The following MMS22L variants were observed in gnomAD, a reference collection of about 807,000 sequenced individuals.
The protein encoded by MMS22L is protein MMS22-like.
In MMS22L, 74 loss-of-function variants were observed where a neutral mutation model predicts 159.1. The ratio of observed to expected loss-of-function variants is 0.47; its 90% CI spans 0.39 to 0.56. The LOEUF (loss-of-function observed/expected upper bound fraction) is 0.56. Ranked by LOEUF, MMS22L falls within the 20% of genes least tolerant of loss-of-function variation. MMS22L has a pLI of 0.00. For synonymous variants in MMS22L, 517 were observed against 506.9 expected (o/e 1.02, Z -0.27); for missense variants, 1,351 against 1,422.1 (o/e 0.95, Z 0.80).
At position 97,243,793 on chromosome 6, in the gene MMS22L, C is replaced by G. The variant is rs370916434; in HGVS notation, c.1182+2835G>C. Among the ~76,000 whole-genome samples, 8 of 152,178 alleles carry G rather than the reference C, an allele frequency of 5.3e-5. No individual in the cohort carries two copies. The East Asian group carries it at 5.8e-4, about 11-fold the overall frequency. ...TGATCCCTTGATGTGGTGTTCTCCC[C>G]CTTCCTGAGAGCCAGACTGCAGTGA... On this transcript the variant is annotated intron_variant, in intron 11 of 24. Transcript: ENST00000683635.
intron 14 of MMS22L, among the ~76,000 whole-genome samples, chr6:97,218,210 T>C (rs1364787098): frequency 6.6e-6 from 1 of 152,114 alleles, no homozygotes; most frequent in Non-Finnish European, 1.5e-5. Context: ...CCTCCTATCA[T>C]CCTCTAGAGG....
Position 97,144,526 on chromosome 6 carries a change from T to G in MMS22L, c.*2280A>C, listed in dbSNP as rs1006868019. On this transcript the variant is annotated 3_prime_UTR_variant, in exon 25 of 25. Transcript: ENST00000683635. ...GGGAAGATAAAAGAAAATACAATTG[T>G]CACAGAGAGGACAAAGAACATGAGA... The G allele has an allele frequency of 6.6e-6, 1 of 152,172 alleles. No individual in the cohort carries two copies. The highest frequency in any genetic ancestry group is 1.5e-5 in the Non-Finnish European group (1 of 68,078). The allele number at this position is 152,172 out of a possible 1,614,324, so 9.4% of individuals were successfully genotyped here. A position where few individuals can be genotyped will look rare whatever the true frequency, so the allele number is the denominator to read the frequency against.
At chr6:97,268,061 A>G in intron 7 of MMS22L, 59 bp from the exon 8 acceptor site, 2 of 1,193,044 alleles carry the variant, frequency 1.7e-6, no homozygotes, top group Non-Finnish European at 2.2e-6. Flanking sequence ...GAAAGGAAAA[A>G]GTGACTGTAC....
rs1006268827 is a variant in MMS22L at position 97,144,334 on chromosome 6, T to C, written c.*2472A>G. ...CTTACTCAAGTCCTGCAGTTAACCC[T>C]GAGGAACCTGCCTCTACAAAAAGTT... On this transcript the variant is annotated 3_prime_UTR_variant, in exon 25 of 25. Coordinates refer to ENST00000683635, the MANE Select transcript of MMS22L (RefSeq NM_001350599.2). The C allele has an allele frequency of 6.6e-6, 1 of 152,144 alleles. No individual in the cohort carries two copies. Among genetic ancestry groups the C allele is most frequent in the Non-Finnish European group, 1.5e-5 (1 of 68,038 alleles). The allele number at this position is 152,144 out of a possible 1,614,324, so 9.4% of individuals were successfully genotyped here.
intron 22 of MMS22L, among the ~76,000 whole-genome samples, chr6:97,152,907 C>T (rs1443092411): frequency 6.7e-6 from 1 of 149,796 alleles, no homozygotes; most frequent in Admixed American, 6.7e-5. Flanking sequence ...GTGATGATAG[C>T]TCACTCTAAC....
chr6:97,196,167 T>C (rs1806479009), intron 14 of MMS22L, among the ~76,000 whole-genome samples: 1 of 152,182 alleles, frequency 6.6e-6, no homozygotes. Flanking sequence ...GCCATTGTAC[T>C]AGATGTTATC....
chr6:97,220,526 AAGAT>A (rs1034263965), intron 14 of MMS22L, among the ~76,000 whole-genome samples: 1 of 152,150 alleles, frequency 6.6e-6, no homozygotes, highest in African/African-American at 2.4e-5. Context: ...GCCATTAAAA[AAGAT>A]AATCTGAGGA....
At chr6:97,270,548 T>C (rs1331850555) in intron 6 of MMS22L, 3 of 252,074 alleles carry the variant, frequency 1.2e-5, no homozygotes, top group Non-Finnish European at 2.4e-5. Context: ...TCAAGTATTG[T>C]GTTATACTGG....
At chr6:97,153,834 T>C (rs1304020020) in intron 22 of MMS22L, among the ~76,000 whole-genome samples, 1 of 152,234 alleles carries the variant, frequency 6.6e-6, no homozygotes, top group African/African-American at 2.4e-5. Context: ...TATTCCATTG[T>C]ATAAATATAT....
chr6:97,166,070 G>T (rs1181669142), intron 20 of MMS22L, among the ~76,000 whole-genome samples: 1 of 151,994 alleles, frequency 6.6e-6, no homozygotes, highest in African/African-American at 2.4e-5. Flanking sequence ...TTACAGCTAG[G>T]ATAACTAAGG....
intron 16 of MMS22L, among the ~76,000 whole-genome samples, chr6:97,181,039 A>G (rs190045298): frequency 6.6e-6 from 1 of 152,308 alleles, no homozygotes; most frequent in Admixed American, 6.5e-5. Context: ...CACACGACGT[A>G]TGTGTAGGTT....
chr6:97,266,772 T>C (rs191218351), intron 8 of MMS22L: 6 of 152,304 alleles, frequency 3.9e-5, no homozygotes, highest in Admixed American at 2.0e-4. Context: ...ATCTCACTTA[T>C]ATGTAGAATC....
intron 10 of MMS22L, among the ~76,000 whole-genome samples, chr6:97,252,361 C>T (rs1813328436): frequency 6.6e-6 from 1 of 152,080 alleles, no homozygotes; most frequent in African/African-American, 2.4e-5. Context: ...TGCGGTGGCT[C>T]ACACCTGTAA....
intron 10 of MMS22L, 71 bp downstream of exon 10, chr6:97,254,486 T>C (rs1813572566): frequency 7.9e-7 from 1 of 1,270,744 alleles, no homozygotes. Flanking sequence ...TGCTCACTTA[T>C]TTTCTAATTT....
chr6:97,149,791 A>G, intron 24 of MMS22L, 62 bp downstream of exon 24: 3 of 1,423,650 alleles, frequency 2.1e-6, no homozygotes, highest in Non-Finnish European at 2.8e-6. Context: ...TCATTTCTAT[A>G]AAATGAAATA....
At chr6:97,181,063 A>G (rs1484422506) in intron 16 of MMS22L, among the ~76,000 whole-genome samples, 1 of 152,226 alleles carries the variant, frequency 6.6e-6, no homozygotes, top group South Asian at 2.1e-4. Context: ...GCTAAGGACG[A>G]AGACAGGAAA....
intron 14 of MMS22L, 95 bp downstream of exon 14, chr6:97,228,799 A>C: frequency 8.3e-7 from 1 of 1,204,040 alleles, no homozygotes; most frequent in South Asian, 1.7e-5. Flanking sequence ...TTTCATGTGT[A>C]TTTGTATATA....
chr6:97,158,287 T>C (rs1377468661), intron 22 of MMS22L, among the ~76,000 whole-genome samples: 1 of 152,194 alleles, frequency 6.6e-6, no homozygotes, highest in African/African-American at 2.4e-5. Flanking sequence ...CACTGATTTT[T>C]TTGAAGGTTT....
chr6:97,153,133 C>A (rs1409812252), intron 22 of MMS22L, among the ~76,000 whole-genome samples: 1 of 152,050 alleles, frequency 6.6e-6, no homozygotes, highest in African/African-American at 2.4e-5. Context: ...TGAGCCACCA[C>A]ACCTGGCCTT....
Sources: allele counts gnomAD v4.1 joint callset (sites outside exome capture counted in the v4.1 genomes callset), GRCh38; gene constraint gnomAD v4.1.1; transcripts MANE v1.5; gene names NCBI Gene and HGNC (gene_info 2026-07-23, HGNC 2026-07-21).